Variants in TBC1D19 observed in about 807,000 individuals in gnomAD.
TBC1D19 encodes the protein TBC1 domain family, member 19.
TBC1D19 carries 60 observed loss-of-function variants against 89.0 expected under a neutral mutation model. The observed-to-expected ratio is 0.67, with a 90% CI of 0.55 to 0.84. The LOEUF (loss-of-function observed/expected upper bound fraction) is 0.84. TBC1D19 is among the 40% of genes least tolerant of loss of function. TBC1D19 has a pLI of 0.00. For missense variants in TBC1D19, 500 were observed against 610.8 expected, an observed-to-expected ratio of 0.82 and a Z score of 1.91; for synonymous variants, 189 against 199.7, an observed-to-expected ratio of 0.95 and a Z score of 0.45.
chr4:26,753,969 T>C (rs998557744), intron 20 of TBC1D19, 79 bp downstream of exon 20: 2 of 1,489,232 alleles, frequency 1.3e-6, no homozygotes, highest in Admixed American at 1.7e-5. Context: ...GTCTGTTGCA[T>C]AGGACACGCG....
the TBC1D19 span, among the ~76,000 whole-genome samples, chr4:26,836,011 C>T: frequency 6.7e-6 from 1 of 150,298 alleles, no homozygotes; most frequent in African/African-American, 2.5e-5. Flanking sequence ...CTCTCTATCA[C>T]TTCTGGGCCT....
At chr4:26,835,029 CT>C in the TBC1D19 span, among the ~76,000 whole-genome samples, 2 of 152,206 alleles carry the variant, frequency 1.3e-5, no homozygotes, top group Non-Finnish European at 2.9e-5. Context: ...AGATGTCCAC[CT>C]CTTAATCACT....
At chr4:26,661,542 G>A (rs1228692808) in intron 8 of TBC1D19, among the ~76,000 whole-genome samples, 1 of 151,962 alleles carries the variant, frequency 6.6e-6, no homozygotes, top group Non-Finnish European at 1.5e-5. Flanking sequence ...AGAAACCCCA[G>A]ACTTTTGAAT....
chr4:26,743,213 A>G (rs573772211), intron 18 of TBC1D19, among the ~76,000 whole-genome samples: 1 of 152,246 alleles, frequency 6.6e-6, no homozygotes, highest in South Asian at 2.1e-4. Flanking sequence ...CAAATGGTTT[A>G]TCAGTGTTTT....
At chr4:26,669,611 T>TA in intron 9 of TBC1D19, among the ~76,000 whole-genome samples, 1 of 151,918 alleles carries the variant, frequency 6.6e-6, no homozygotes, top group African/African-American at 2.4e-5. Flanking sequence ...ATTGAATAGT[T>TA]AAATTTTTTA....
chr4:26,803,679 G>A, the TBC1D19 span, among the ~76,000 whole-genome samples: 1 of 152,122 alleles, frequency 6.6e-6, no homozygotes, highest in Non-Finnish European at 1.5e-5. Context: ...GGCAAACGGT[G>A]CATTTGGAGG....
At chr4:26,622,499 A>C (rs1393309292) in intron 4 of TBC1D19, among the ~76,000 whole-genome samples, 1 of 152,156 alleles carries the variant, frequency 6.6e-6, no homozygotes, top group Non-Finnish European at 1.5e-5. Flanking sequence ...AGGTACACGT[A>C]TGATACTCCT....
At chr4:26,821,007 C>T in the TBC1D19 span, among the ~76,000 whole-genome samples, 2 of 152,208 alleles carry the variant, frequency 1.3e-5, no homozygotes, top group African/African-American at 4.8e-5. Context: ...TCACTCGACT[C>T]AGCTTTCTGT....
intron 15 of TBC1D19, among the ~76,000 whole-genome samples, chr4:26,730,218 T>C (rs1717569912): frequency 6.6e-6 from 1 of 152,184 alleles, no homozygotes; most frequent in Non-Finnish European, 1.5e-5. Context: ...TGAGTACCTG[T>C]TATATTCTGG....
the TBC1D19 span, among the ~76,000 whole-genome samples, chr4:26,850,183 G>A: frequency 6.6e-6 from 1 of 152,004 alleles, no homozygotes; most frequent in Non-Finnish European, 1.5e-5. Context: ...TTACAGAGGG[G>A]TAATCAACTT....
Position 26,718,037 on chromosome 4 carries a change from A to G in TBC1D19, c.1039+20A>G. The G allele has an allele frequency of 6.4e-7, 1 of 1,572,996 alleles. No individual in the cohort carries two copies. The highest frequency in any genetic ancestry group is 8.7e-7 in the Non-Finnish European group (1 of 1,145,496). On this transcript the variant is annotated intron_variant, in intron 14 of 20. Coordinates refer to ENST00000264866, the MANE Select transcript of TBC1D19 (RefSeq NM_018317.4). ...TAAGAGGTAAATTTTTAATAATTTT[A>G]AGGAAGTATTAAGACTTACATAATC...
chr4:26,674,721 G>A (rs11942145), intron 11 of TBC1D19, among the ~76,000 whole-genome samples: 46,253 of 151,618 alleles, frequency 0.31, 8,621 homozygotes, highest in Non-Finnish European at 0.42. Context: ...ATAATCGTCA[G>A]AATTAAATGA....
intron 1 of TBC1D19, among the ~76,000 whole-genome samples, chr4:26,595,962 A>G (rs1740179651): frequency 6.6e-6 from 1 of 152,090 alleles, no homozygotes. Context: ...TTTAATTAAA[A>G]AAAATTTTTT....
At chr4:26,646,696 G>A (rs1429499758) in intron 7 of TBC1D19, among the ~76,000 whole-genome samples, 1 of 152,130 alleles carries the variant, frequency 6.6e-6, no homozygotes, top group African/African-American at 2.4e-5. Flanking sequence ...ACTATCGCAA[G>A]AACAGAAAAC....
chr4:26,582,675 A>G (rs1407559936), upstream of TBC1D19, among the ~76,000 whole-genome samples: 12 of 152,234 alleles, frequency 7.9e-5, no homozygotes, highest in Admixed American at 7.9e-4. Context: ...CTGAGTTGTG[A>G]GAGAATGTTT....
chr4:26,587,119 G>A (rs1345558919), intron 1 of TBC1D19, among the ~76,000 whole-genome samples: 1 of 152,060 alleles, frequency 6.6e-6, no homozygotes, highest in Non-Finnish European at 1.5e-5. Context: ...TATTTTTCCT[G>A]CTCATGTTGA....
chr4:26,799,858 T>C, the TBC1D19 span, among the ~76,000 whole-genome samples: 10 of 151,930 alleles, frequency 6.6e-5, 1 homozygote, highest in South Asian at 2.1e-3. Flanking sequence ...GCTAAGGCAA[T>C]AGGTAAACAC....
At chr4:26,683,484 T>C (rs1320044984) in intron 11 of TBC1D19, among the ~76,000 whole-genome samples, 191 bp from the exon 12 acceptor site, 1 of 152,212 alleles carries the variant, frequency 6.6e-6, no homozygotes, top group Non-Finnish European at 1.5e-5. Flanking sequence ...AGGTGCCAGA[T>C]GTTATCCTAA....
At chr4:26,767,408 G>A in the TBC1D19 span, among the ~76,000 whole-genome samples, 4 of 152,078 alleles carry the variant, frequency 2.6e-5, no homozygotes, top group Non-Finnish European at 5.9e-5. Context: ...GTCCGAGATG[G>A]ACTGAGTGTT....
Sources: allele counts gnomAD v4.1 joint callset (sites outside exome capture counted in the v4.1 genomes callset), GRCh38; gene constraint gnomAD v4.1.1; transcripts MANE v1.5; gene names NCBI Gene and HGNC (gene_info 2026-07-23, HGNC 2026-07-21).